SRGAP2: variants seen among roughly 807,000 people sequenced by gnomAD.
SRGAP2 encodes the protein SLIT-ROBO Rho GTPase-activating protein 2.
In SRGAP2, 15 loss-of-function variants were observed where a neutral mutation model predicts 57.2. The ratio of observed to expected loss-of-function variants is 0.26; its 90% CI spans 0.18 to 0.40. The LOEUF (loss-of-function observed/expected upper bound fraction) is 0.40, where lower values mean the gene tolerates loss of function less well. Among genes scored for constraint, SRGAP2 ranks in the 10% least tolerant of loss-of-function variants. SRGAP2 has a pLI of 1.00. For synonymous variants in SRGAP2, 249 were observed against 248.0 expected, an observed-to-expected ratio of 1.00 and a Z score of -0.04; for missense variants, 520 against 669.6, an observed-to-expected ratio of 0.78 and a Z score of 2.47.
chr1:206,274,316 CA>C (rs1430633067), intron 2 of SRGAP2, among the ~76,000 whole-genome samples: 1 of 122,064 alleles, frequency 8.2e-6, no homozygotes, highest in Non-Finnish European at 1.7e-5. Context: ...GACTCAGTCT[CA>C]AAAACAAAAA....
intron 5 of SRGAP2, among the ~76,000 whole-genome samples, chr1:206,390,963 C>G (rs114799094): frequency 0.013 from 1,928 of 152,286 alleles, 54 homozygotes; most frequent in African/African-American, 0.044. Context: ...TCATCTGCCT[C>G]TAGCTGATCG....
intron 2 of SRGAP2, among the ~76,000 whole-genome samples, chr1:206,222,755 G>A (rs1667079302): frequency 6.6e-6 from 1 of 152,090 alleles, no homozygotes; most frequent in African/African-American, 2.4e-5. Flanking sequence ...TCTTACTCGG[G>A]AAGATATATG....
chr1:206,273,154 T>A (rs1670225661), intron 2 of SRGAP2, among the ~76,000 whole-genome samples: 1 of 152,108 alleles, frequency 6.6e-6, no homozygotes, highest in Non-Finnish European at 1.5e-5. Context: ...TGGTTGGAAG[T>A]CCTTGGATCT....
At chr1:206,304,820 G>A (rs1349445598) in intron 3 of SRGAP2, among the ~76,000 whole-genome samples, 40 of 148,656 alleles carry the variant, frequency 2.7e-4, no homozygotes, top group Non-Finnish European at 1.5e-4. Context: ...ACAATAGCGT[G>A]ATCTTGGCTC....
chr1:206,458,788 T>G lies in SRGAP2; in HGVS notation c.2673T>G (p.Asp891Glu), dbSNP rs1664038936. The G allele has an allele frequency of 1.3e-6, 1 of 780,806 alleles. No homozygotes were observed. The highest frequency in any genetic ancestry group is 1.3e-5 in the South Asian group (1 of 74,610). 48.4% of individuals were successfully genotyped at this position (780,806 alleles called of 1,614,324 possible). The stretch of plus-strand genomic sequence containing the variant: ...AGAGCCTCCCCAAAGAAGGGCCAGA[T>G]AAGTGTTCCATCAGTGGGCACGGGA... ...MSQSLPKEGP[D>E]KCSISGHGSL... is the part of the protein sequence containing the mutation. The change falls in exon 22 of 23, where the codon GAT becomes GAG. Residue 891 changes from aspartate (D) to glutamate (E), a missense_variant. This residue lies in a region of SRGAP2 where 478 missense variants were observed against 373.6 expected (regional missense o/e 1.28). Coordinates refer to ENST00000573034, the MANE Select transcript of SRGAP2 (RefSeq NM_015326.5).
intron 14 of SRGAP2, among the ~76,000 whole-genome samples, chr1:206,433,902 A>G (rs1661493437): frequency 2.0e-5 from 3 of 152,210 alleles, no homozygotes; most frequent in South Asian, 2.1e-4. Context: ...AGTATTTTAT[A>G]TATATTCTAG....
chr1:206,326,041 T>C (rs1302938305), intron 3 of SRGAP2, among the ~76,000 whole-genome samples: 1 of 150,166 alleles, frequency 6.7e-6, no homozygotes, highest in Non-Finnish European at 1.5e-5. Context: ...TTGGGGATGG[T>C]AGATACTAGT....
At chr1:206,393,420 A>G (rs1657208651) in intron 6 of SRGAP2, 125 bp from the exon 7 acceptor site, 2 of 570,354 alleles carry the variant, frequency 3.5e-6, no homozygotes, top group Admixed American at 6.2e-5. Context: ...ACCCAATTTA[A>G]GGCAGATGCG....
rs377702788 is a variant in SRGAP2, at chr1:206,461,662, T to G, written c.*242T>G. 2.1e-4 allele frequency: 95 copies of G among 458,206 alleles called. No individual in the cohort carries two copies. Among genetic ancestry groups the G allele is most frequent in the African/African-American group, 9.8e-4 (50 of 51,096 alleles). The allele number at this position is 458,206 out of a possible 1,614,324, so 28.4% of individuals were successfully genotyped here. On this transcript the variant is annotated 3_prime_UTR_variant, in exon 23 of 23. Transcript: ENST00000573034. ...CAGCCAGCTGCAGTCCGTACCGTTC[T>G]TAGGTTAGCCAGAGACAGGTTTTCA...
At chr1:206,359,183 C>T (rs1451494500) in intron 4 of SRGAP2, among the ~76,000 whole-genome samples, 2 of 132,148 alleles carry the variant, frequency 1.5e-5, no homozygotes, top group Non-Finnish European at 3.2e-5. Flanking sequence ...AGAGATGTCA[C>T]TCATGAGGAC....
chr1:206,396,467 GACA>G (rs1399013744), intron 7 of SRGAP2, among the ~76,000 whole-genome samples: 4 of 145,236 alleles, frequency 2.8e-5, no homozygotes, highest in South Asian at 2.1e-4. Flanking sequence ...TAGGCTGTAA[GACA>G]ACATTTTTCA....
chr1:206,445,853 G>A (rs74525463), intron 17 of SRGAP2, among the ~76,000 whole-genome samples: 2,398 of 152,294 alleles, frequency 0.016, 71 homozygotes, highest in African/African-American at 0.055. Context: ...GATCAGAGCT[G>A]CAAGCAAGTA....
rs1306057931 is a variant in SRGAP2, at chr1:206,464,239, A to G, written c.*2819A>G. On this transcript the variant is annotated 3_prime_UTR_variant, in exon 23 of 23. Transcript: ENST00000573034. The stretch of plus-strand genomic sequence containing the variant: ...AGAAGAGAAGTCACATCTTCCAGGG[A>G]ATCGCAATGTTGTGGCGTCTGACTT... 2 of 152,634 alleles carry G rather than the reference A, an allele frequency of 1.3e-5. No homozygotes were observed. The highest frequency in any genetic ancestry group is 4.8e-5 in the African/African-American group (2 of 41,452). 9.5% of individuals were successfully genotyped at this position (152,634 alleles called of 1,614,324 possible).
Position 206,384,089 on chromosome 1 carries a change from G to T in SRGAP2, c.486+13G>T. The stretch of plus-strand genomic sequence containing the variant: ...CGAGCTCTACTCGGTAAATCAGATG[G>T]GTTGCTTGGCTCTTTAACAAGCAGA... On this transcript the variant is annotated intron_variant, in intron 5 of 22. Transcript: ENST00000573034. The T allele has an allele frequency of 1.2e-6, 1 of 862,588 alleles. No individual in the cohort carries two copies. Among genetic ancestry groups the T allele is most frequent in the Non-Finnish European group, 1.9e-6 (1 of 534,148 alleles). The allele number at this position is 862,588 out of a possible 1,614,324, so 53.4% of individuals were successfully genotyped here. A position where few individuals can be genotyped will look rare whatever the true frequency, so the allele number is the denominator to read the frequency against.
At chr1:206,440,317 A>C (rs72752959) in intron 17 of SRGAP2, among the ~76,000 whole-genome samples, 9,560 of 152,308 alleles carry the variant, frequency 0.063, 651 homozygotes, top group East Asian at 0.32. Context: ...ATCAGGTAGA[A>C]TAAGTGCTTA....
At chr1:206,214,671 A>G (rs1553303029) in intron 2 of SRGAP2, 1 of 151,914 alleles carries the variant, frequency 6.6e-6, no homozygotes, top group African/African-American at 2.4e-5. Flanking sequence ...ACTTGTCCGT[A>G]ATCCCAGCTA....
intron 4 of SRGAP2, among the ~76,000 whole-genome samples, chr1:206,359,687 C>T: frequency 8.3e-6 from 1 of 120,752 alleles, no homozygotes; most frequent in South Asian, 2.9e-4. Flanking sequence ...CTTCATGGAG[C>T]TTATATTCTA....
intron 21 of SRGAP2, chr1:206,455,357 G>A (rs1284643596): frequency 6.4e-6 from 2 of 314,730 alleles, no homozygotes; most frequent in Admixed American, 9.5e-5. Flanking sequence ...ATGCAACCTG[G>A]TTTTGTACTG....
At chr1:206,263,538 C>G (rs1386837274) in intron 2 of SRGAP2, among the ~76,000 whole-genome samples, 6 of 152,052 alleles carry the variant, frequency 3.9e-5, no homozygotes, top group African/African-American at 1.4e-4. Flanking sequence ...CCTCCCTGAC[C>G]CTTGTTGGAC....
Sources: gnomAD v4.1 joint callset for allele counts (sites outside exome capture counted in the v4.1 genomes callset) on GRCh38, gnomAD v4.1.1 for gene constraint, gnomAD v4.1.1 regional missense constraint, MANE v1.5 for transcripts, NCBI Gene and HGNC (gene_info 2026-07-23, HGNC 2026-07-21) for gene names.